PLCG2: variants seen among roughly 807,000 people sequenced by gnomAD.
PLCG2 encodes the protein phospholipase C gamma 2.
A neutral mutation model predicts 175.6 loss-of-function variants in PLCG2; 69 were observed. That is an observed-to-expected ratio of 0.39 (90% CI 0.32 to 0.48). PLCG2 has a LOEUF of 0.48. Ranked by LOEUF, PLCG2 falls within the 20% of genes least tolerant of loss-of-function variation. The probability of loss-of-function intolerance (pLI) is 0.91; values close to 1 mark genes in which losing one functional copy is unlikely to be tolerated. For synonymous variants in PLCG2, 827 were observed against 624.0 expected (o/e 1.33, Z -4.85); for missense variants, 1,798 against 1,650.9 (o/e 1.09, Z -1.54).
intron 2 of PLCG2, among the ~76,000 whole-genome samples, chr16:81,765,183 G>A (rs572907548): frequency 2.6e-5 from 4 of 152,346 alleles, no homozygotes; most frequent in African/African-American, 9.6e-5. Context: ...TGATATGAAG[G>A]CAACACAGCG....
At chr16:81,773,413 C>G (rs75063906) in intron 2 of PLCG2, among the ~76,000 whole-genome samples, 6,035 of 152,220 alleles carry the variant, frequency 0.04, 187 homozygotes, top group Non-Finnish European at 0.058. Context: ...TTGTCTTCAG[C>G]AGTGCAGATT....
chr16:81,877,626 T>C (rs1344982371), intron 7 of PLCG2, among the ~76,000 whole-genome samples: 2 of 152,204 alleles, frequency 1.3e-5, no homozygotes, highest in African/African-American at 4.8e-5. Flanking sequence ...CAAGCATTCC[T>C]CGGAGTGTGG....
chr16:81,874,386 G>A (rs1907666263), intron 7 of PLCG2, among the ~76,000 whole-genome samples: 1 of 152,112 alleles, frequency 6.6e-6, no homozygotes, highest in Admixed American at 6.6e-5. Context: ...TCTCCAGTTT[G>A]GTCACTGCAT....
chr16:81,781,460 A>G lies in PLCG2; in HGVS notation c.-48+2036A>G, dbSNP rs374241975. Among the ~76,000 whole-genome samples, 17 of 149,828 alleles carry G rather than the reference A, an allele frequency of 1.1e-4. 1 individual carries two copies. The East Asian group carries it at 3.0e-3, about 26-fold the overall frequency. ...TTCTATTGCAACTATTGCTTCCGTG[A>G]TTTTCTGTCGTACATATTGCATCTT... is the stretch of plus-strand genomic sequence containing the variant. On this transcript the variant is annotated intron_variant, in intron 1 of 32. Transcript: ENST00000564138.
At chr16:81,882,049 C>T (rs1225103762) in intron 8 of PLCG2, among the ~76,000 whole-genome samples, 1 of 152,152 alleles carries the variant, frequency 6.6e-6, no homozygotes, top group East Asian at 1.9e-4. Flanking sequence ...ACAACAGACT[C>T]CTGGACCCTG....
At chr16:81,844,969 G>T (rs958138258) in intron 2 of PLCG2, among the ~76,000 whole-genome samples, 1 of 152,128 alleles carries the variant, frequency 6.6e-6, no homozygotes, top group Non-Finnish European at 1.5e-5. Context: ...TTGCTCTCTT[G>T]CCAGGCTGGT....
In PLCG2 at chr16:81,871,237, C is replaced by G. The variant is rs191869463; in HGVS notation, c.648+302C>G. ...GTCTGTTAAAAAAGTGCAACTCACT[C>G]TACTGCATTATTTCATTCTGAAAGG... On this transcript the variant is annotated intron_variant, in intron 7 of 32. Coordinates refer to ENST00000564138, the MANE Select transcript of PLCG2 (RefSeq NM_002661.5). 1.2e-3 allele frequency among the ~76,000 whole-genome samples: 180 copies of G among 152,322 alleles called. 1 individual carries two copies. The highest frequency in any genetic ancestry group is 3.4e-3 in the Middle Eastern group (1 of 294).
intron 18 of PLCG2, among the ~76,000 whole-genome samples, chr16:81,911,720 TGTGCCTCAGCCTCC>T (rs747173253): frequency 2.8e-4 from 43 of 151,646 alleles, no homozygotes; most frequent in Non-Finnish European, 2.7e-4. Context: ...AAGAGATTCT[TGTGCCTCAGCCTCC>T]TGAGTAGCTG....
In PLCG2 at chr16:81,758,567, A is replaced by T. The variant is rs899512045; in HGVS notation, c.-48+2601A>T. On this transcript the variant is annotated intron_variant, in intron 2 of 5. Transcript: ENST00000565054. The stretch of plus-strand genomic sequence containing the variant: ...AGCTCTGCGTTTGACCTTTTGAGGA[A>T]CTGCTAAACTATTTTCCACAGCAGC... Among the ~76,000 whole-genome samples, 30 of 152,162 alleles carry T rather than the reference A, an allele frequency of 2.0e-4. 1 individual carries two copies. The highest frequency in any genetic ancestry group is 1.6e-3 in the Admixed American group (24 of 15,266).
intron 30 of PLCG2, among the ~76,000 whole-genome samples, 153 bp from the exon 31 acceptor site, chr16:81,946,022 G>T (rs537727178): frequency 8.5e-5 from 13 of 152,314 alleles, no homozygotes; most frequent in African/African-American, 3.1e-4. Flanking sequence ...ATCAGGATAG[G>T]ACCTCTGGCT....
intron 5 of PLCG2, among the ~76,000 whole-genome samples, chr16:81,865,401 G>GA (rs957671331): frequency 1.3e-5 from 2 of 152,136 alleles, no homozygotes; most frequent in African/African-American, 4.8e-5. Context: ...CGCCTAGGGA[G>GA]AAAGCGGGTG....
chr16:81,956,818 G>A lies in PLCG2; in HGVS notation c.3694G>A (p.Val1232Ile), dbSNP rs1180101451. 1 of 1,614,140 alleles carries A rather than the reference G, an allele frequency of 6.2e-7. No homozygotes were observed. The highest frequency in any genetic ancestry group is 1.7e-5 in the Admixed American group (1 of 60,018). ...GCGCAATGCCAACCGGGATGCCCTG[G>A]TTAAAGAGTTCAGTGTTAATGAGAA... is the stretch of plus-strand genomic sequence containing the variant. ...NLRNANRDAL[V>I]KEFSVNENQL... Residue 1232 changes from valine (V) to isoleucine (I), a missense_variant, in exon 32 of 33, where the codon GTT (valine) becomes ATT (isoleucine). Transcript: ENST00000564138.
chr16:81,839,177 A>G (rs747961154), intron 2 of PLCG2, among the ~76,000 whole-genome samples: 8 of 152,232 alleles, frequency 5.3e-5, no homozygotes, highest in Non-Finnish European at 1.0e-4. Context: ...CACTCTTAAC[A>G]TACATCAGTT....
chr16:81,955,151 C>G (rs190476724), intron 31 of PLCG2, among the ~76,000 whole-genome samples: 1 of 152,332 alleles, frequency 6.6e-6, no homozygotes, highest in African/African-American at 2.4e-5. Context: ...ACTCTTCAAC[C>G]TTTGCAAACA....
intron 2 of PLCG2, among the ~76,000 whole-genome samples, chr16:81,800,648 C>A (rs1911677991): frequency 6.6e-6 from 1 of 152,012 alleles, no homozygotes; most frequent in African/African-American, 2.4e-5. Flanking sequence ...CCTATCTTCG[C>A]TATTGTGATA....
intron 2 of PLCG2, among the ~76,000 whole-genome samples, chr16:81,771,703 A>C: frequency 6.7e-6 from 1 of 149,044 alleles, no homozygotes; most frequent in Non-Finnish European, 1.5e-5. Flanking sequence ...AAAAAACAAC[A>C]ACAAAAAAAC....
At chr16:81,829,675 C>T (rs532225138) in intron 2 of PLCG2, among the ~76,000 whole-genome samples, 2 of 152,338 alleles carry the variant, frequency 1.3e-5, no homozygotes, top group East Asian at 3.9e-4. Context: ...CCACATTGCA[C>T]CTAGTTTTTG....
chr16:81,893,773 A>C lies in PLCG2; in HGVS notation c.1051A>C (p.Met351Leu). ...SPEAYIRCLR[M>L]GCRCIELDCW... The stretch of plus-strand genomic sequence containing the variant: ...AGAAGCTTACATCCGCTGCCTGCGC[A>C]TGGGCTGTCGCTGCATTGAACGTGA... The change falls in exon 12 of 33, where the codon ATG becomes CTG. Residue 351 changes from methionine to leucine, a missense_variant. Transcript: ENST00000564138. The C allele has an allele frequency of 6.2e-7, 1 of 1,611,910 alleles. No individual in the cohort carries two copies. Among genetic ancestry groups the C allele is most frequent in the Non-Finnish European group, 8.5e-7 (1 of 1,178,818 alleles).
intron 2 of PLCG2, among the ~76,000 whole-genome samples, chr16:81,812,603 A>T (rs953632479): frequency 3.3e-5 from 5 of 152,134 alleles, no homozygotes; most frequent in African/African-American, 1.2e-4. Flanking sequence ...AGATGGATAG[A>T]TTGCAAAATT....
Sources: allele counts gnomAD v4.1 joint callset (sites outside exome capture counted in the v4.1 genomes callset), GRCh38; gene constraint gnomAD v4.1.1; transcripts MANE v1.5; gene names NCBI Gene and HGNC (gene_info 2026-07-23, HGNC 2026-07-21).